CNTNAP5: variants seen among roughly 807,000 people sequenced by gnomAD.
CNTNAP5 encodes the protein contactin-associated protein-like 5.
In CNTNAP5, 72 loss-of-function variants were observed where a neutral mutation model predicts 150.2. That is an observed-to-expected ratio of 0.48 (90% CI 0.40 to 0.58). The LOEUF is 0.58. Ranked by LOEUF, CNTNAP5 falls within the 20% of genes least tolerant of loss-of-function variation. CNTNAP5 has a pLI of 0.00. For missense variants in CNTNAP5, 1,636 were observed against 1,626.2 expected (o/e 1.01, Z -0.10); for synonymous variants, 672 against 619.8 (o/e 1.08, Z -1.25).
At chr2:124,158,637 A>G (rs1684604798) in intron 1 of CNTNAP5, among the ~76,000 whole-genome samples, 1 of 152,228 alleles carries the variant, frequency 6.6e-6, no homozygotes, top group Non-Finnish European at 1.5e-5. Context: ...ACAGGTTAGC[A>G]TGTCCAACAA....
At chr2:124,198,286 T>C (rs1685639154) in intron 1 of CNTNAP5, among the ~76,000 whole-genome samples, 1 of 152,186 alleles carries the variant, frequency 6.6e-6, no homozygotes, top group Non-Finnish European at 1.5e-5. Context: ...ATATTCTAGA[T>C]GCTAATATTT....
intron 7 of CNTNAP5, among the ~76,000 whole-genome samples, chr2:124,480,240 T>C (rs1026082195): frequency 1.3e-5 from 2 of 152,212 alleles, no homozygotes; most frequent in African/African-American, 4.8e-5. Flanking sequence ...TGAAAATCAT[T>C]ACTTCAGATT....
chr2:124,597,521 C>G (rs954108756), intron 11 of CNTNAP5, among the ~76,000 whole-genome samples: 25 of 151,088 alleles, frequency 1.7e-4, no homozygotes, highest in Admixed American at 2.6e-4. Context: ...CGCTGTTAGT[C>G]TGATGGGCTT....
chr2:124,909,516 G>C (rs940367709), intron 22 of CNTNAP5, among the ~76,000 whole-genome samples: 1 of 152,002 alleles, frequency 6.6e-6, no homozygotes, highest in African/African-American at 2.4e-5. Flanking sequence ...TAAAGAAGCA[G>C]GAGGCATTTT....
chr2:124,904,395 A>G (rs1678485595), intron 22 of CNTNAP5, among the ~76,000 whole-genome samples: 1 of 152,052 alleles, frequency 6.6e-6, no homozygotes, highest in Non-Finnish European at 1.5e-5. Flanking sequence ...GTTTGTTTCC[A>G]TATCTTGGCG....
chr2:124,050,929 G>C (rs1057263014), intron 1 of CNTNAP5, among the ~76,000 whole-genome samples: 3 of 152,086 alleles, frequency 2.0e-5, no homozygotes, highest in African/African-American at 7.2e-5. Context: ...AATGAAATAG[G>C]CACCAGGATA....
At chr2:124,036,214 G>A (rs547353066) in intron 1 of CNTNAP5, among the ~76,000 whole-genome samples, 16 of 151,944 alleles carry the variant, frequency 1.1e-4, no homozygotes, top group South Asian at 2.1e-4. Context: ...GTGAGCCACC[G>A]CGCCCGGCCT....
intron 2 of CNTNAP5, among the ~76,000 whole-genome samples, chr2:124,235,237 A>G (rs1686719942): frequency 6.6e-6 from 1 of 152,150 alleles, no homozygotes; most frequent in South Asian, 2.1e-4. Flanking sequence ...GGGAAGTGAT[A>G]GCTCCCAGGC....
intron 3 of CNTNAP5, among the ~76,000 whole-genome samples, chr2:124,265,250 T>G (rs560540090): frequency 6.6e-6 from 1 of 152,266 alleles, no homozygotes; most frequent in East Asian, 1.9e-4. Context: ...AAGCGAGAAC[T>G]GTATCTTTTC....
intron 1 of CNTNAP5, among the ~76,000 whole-genome samples, chr2:124,136,737 G>A (rs1683984138): frequency 6.6e-6 from 1 of 152,176 alleles, no homozygotes; most frequent in Non-Finnish European, 1.5e-5. Context: ...TAGGGAACGT[G>A]TAAGCAAAAT....
intron 3 of CNTNAP5, among the ~76,000 whole-genome samples, chr2:124,316,059 C>G (rs1179136337): frequency 6.6e-6 from 1 of 152,236 alleles, no homozygotes; most frequent in African/African-American, 2.4e-5. Context: ...CAGACTCCAA[C>G]AGAACCTCAA....
At chr2:124,747,627 T>G (rs1438777623) in intron 14 of CNTNAP5, among the ~76,000 whole-genome samples, 1 of 130,252 alleles carries the variant, frequency 7.7e-6, no homozygotes, top group Non-Finnish European at 1.6e-5. Context: ...TTTTTTTTTT[T>G]TTTTTTTTTT....
intron 1 of CNTNAP5, among the ~76,000 whole-genome samples, chr2:124,038,114 A>G (rs1179353669): frequency 6.6e-6 from 1 of 152,142 alleles, no homozygotes; most frequent in African/African-American, 2.4e-5. Context: ...GTGTATACCC[A>G]ATTCCATTAT....
At chr2:124,352,471 C>A (rs1315833248) in intron 3 of CNTNAP5, among the ~76,000 whole-genome samples, 1 of 152,050 alleles carries the variant, frequency 6.6e-6, no homozygotes, top group African/African-American at 2.4e-5. Context: ...CAAAACAGTG[C>A]CTGGACGCAG....
intron 6 of CNTNAP5, 127 bp downstream of exon 6, chr2:124,447,064 C>A: frequency 1.2e-6 from 1 of 838,342 alleles, no homozygotes; most frequent in Non-Finnish European, 1.9e-6. Context: ...GGACTTACTT[C>A]CTCCATCTAT....
At chr2:124,219,143 A>G (rs1435016686) in intron 1 of CNTNAP5, among the ~76,000 whole-genome samples, 2 of 152,012 alleles carry the variant, frequency 1.3e-5, no homozygotes, top group Non-Finnish European at 2.9e-5. Flanking sequence ...TGAGCAATGT[A>G]TGGTTGAGTT....
chr2:124,372,825 C>A (rs1447513982), intron 3 of CNTNAP5, among the ~76,000 whole-genome samples: 1 of 151,880 alleles, frequency 6.6e-6, no homozygotes, highest in African/African-American at 2.4e-5. Context: ...AATGCAACAC[C>A]CATTAACACA....
At chr2:124,818,478 G>T (rs2104666198) in intron 19 of CNTNAP5, among the ~76,000 whole-genome samples, 1 of 152,180 alleles carries the variant, frequency 6.6e-6, no homozygotes, top group East Asian at 1.9e-4. Context: ...GCTACAGTGA[G>T]GTACAATTGC....
At chr2:124,311,935 G>A (rs1688841935) in intron 3 of CNTNAP5, among the ~76,000 whole-genome samples, 2 of 152,178 alleles carry the variant, frequency 1.3e-5, no homozygotes, top group South Asian at 4.1e-4. Context: ...GTACTGCAGG[G>A]TACAAAGGAA....
Sources: allele counts gnomAD v4.1 joint callset (sites outside exome capture counted in the v4.1 genomes callset), GRCh38; gene constraint gnomAD v4.1.1; transcripts MANE v1.5; gene names NCBI Gene and HGNC (gene_info 2026-07-23, HGNC 2026-07-21).